Variants in SH3KBP1 observed in about 807,000 individuals in gnomAD.
The protein encoded by SH3KBP1 is SH3 domain-containing kinase-binding protein 1.
A neutral mutation model predicts 50.1 loss-of-function variants in SH3KBP1; 8 were observed. The ratio of observed to expected loss-of-function variants is 0.16; its 90% CI spans 0.09 to 0.29. The LOEUF (loss-of-function observed/expected upper bound fraction) is 0.29. Among genes scored for constraint, SH3KBP1 ranks in the 10% least tolerant of loss-of-function variants. SH3KBP1 has a pLI of 1.00. For synonymous variants in SH3KBP1, 227 were observed against 218.6 expected (o/e 1.04, Z -0.34); for missense variants, 377 against 535.2 (o/e 0.70, Z 2.92).
chrX:19,695,084 C>T, intron 5 of SH3KBP1: 2 of 1,150,334 alleles, frequency 1.7e-6, no homozygotes, highest in South Asian at 1.9e-5. Flanking sequence ...TTCGTTGTCA[C>T]CATCGTAGAA....
At chrX:19,810,331 A>G (rs1346730651) in intron 2 of SH3KBP1, among the ~76,000 whole-genome samples, 1 of 112,876 alleles carries the variant, frequency 8.9e-6, no homozygotes, top group East Asian at 2.8e-4. Context: ...TTTATAGTAA[A>G]GTGAATCTTC....
At chrX:19,728,026 G>C (rs150342891) in intron 3 of SH3KBP1, among the ~76,000 whole-genome samples, 2 of 111,956 alleles carry the variant, frequency 1.8e-5, no homozygotes, top group East Asian at 5.6e-4. Context: ...CTAACAGGTT[G>C]AGGAGAAGGA....
At chrX:19,557,406 T>C (rs2065524256) in intron 13 of SH3KBP1, among the ~76,000 whole-genome samples, 1 of 112,083 alleles carries the variant, frequency 8.9e-6, no homozygotes, top group Admixed American at 9.5e-5. Context: ...ACAGTGTTTA[T>C]TTGCTCATTA....
At chrX:19,640,102 C>A (rs2061817001) in intron 7 of SH3KBP1, among the ~76,000 whole-genome samples, 1 of 110,405 alleles carries the variant, frequency 9.1e-6, no homozygotes, top group African/African-American at 3.3e-5. Context: ...CCTTAACAAC[C>A]CTCTTCTTGG....
At chrX:19,698,883 TTGAATGAA>T (rs770021813) in intron 4 of SH3KBP1, among the ~76,000 whole-genome samples, 137 of 110,252 alleles carry the variant, frequency 1.2e-3, no homozygotes, top group African/African-American at 4.1e-3. Flanking sequence ...GCCTCACACA[TTGAATGAA>T]TGAATGAATG....
At chrX:19,600,458 A>G (rs764075006) in intron 9 of SH3KBP1, among the ~76,000 whole-genome samples, 1 of 112,431 alleles carries the variant, frequency 8.9e-6, no homozygotes, top group Admixed American at 9.4e-5. Flanking sequence ...GTGAACTGAG[A>G]AGGCAAAACA....
At chrX:19,788,276 A>C (rs1159043033) in intron 2 of SH3KBP1, among the ~76,000 whole-genome samples, 4 of 102,803 alleles carry the variant, frequency 3.9e-5, no homozygotes, top group African/African-American at 1.1e-4. Flanking sequence ...CTCCAAAAAA[A>C]AAAAAAAAAC....
At chrX:19,793,721 G>C (rs1401381640) in intron 2 of SH3KBP1, among the ~76,000 whole-genome samples, 2 of 111,548 alleles carry the variant, frequency 1.8e-5, no homozygotes, top group Admixed American at 9.5e-5. Flanking sequence ...ACCTACTTCA[G>C]ATGCTAACTT....
chrX:19,876,322 C>A (rs894444690), intron 1 of SH3KBP1, among the ~76,000 whole-genome samples: 1 of 112,167 alleles, frequency 8.9e-6, no homozygotes, highest in Non-Finnish European at 1.9e-5. Flanking sequence ...GATCACACCA[C>A]TGCACTCCAG....
intron 1 of SH3KBP1, among the ~76,000 whole-genome samples, chrX:19,838,205 T>C (rs762004751): frequency 8.9e-6 from 1 of 112,362 alleles, no homozygotes; most frequent in South Asian, 3.7e-4. Flanking sequence ...AAAGTAATAA[T>C]TCAACTTCTC....
chrX:19,729,341 C>T (rs986540804), intron 3 of SH3KBP1, among the ~76,000 whole-genome samples: 13 of 112,390 alleles, frequency 1.2e-4, no homozygotes, highest in African/African-American at 4.2e-4. Context: ...GTTCATACAT[C>T]AATGTGAATG....
chrX:19,549,056 C>T (rs2065167432), intron 14 of SH3KBP1, among the ~76,000 whole-genome samples: 1 of 111,734 alleles, frequency 8.9e-6, no homozygotes, highest in South Asian at 3.7e-4. Flanking sequence ...AACATAAATG[C>T]CCAATAACGA....
chrX:19,716,105 G>A (rs780817084), intron 3 of SH3KBP1, among the ~76,000 whole-genome samples: 1 of 111,971 alleles, frequency 8.9e-6, no homozygotes, highest in Non-Finnish European at 1.9e-5. Flanking sequence ...TACTTGGGAC[G>A]TCCAGTAGAT....
At chrX:19,550,199 C>A (rs1401497428) in intron 13 of SH3KBP1, 116 bp from the exon 14 acceptor site, 11 of 509,557 alleles carry the variant, frequency 2.2e-5, no homozygotes, top group South Asian at 1.8e-4. Flanking sequence ...TACACTTCAT[C>A]TTTTACAAAG....
chrX:19,720,504 T>C (rs984665172), intron 3 of SH3KBP1, among the ~76,000 whole-genome samples: 9 of 112,281 alleles, frequency 8.0e-5, no homozygotes, highest in Non-Finnish European at 1.5e-4. Flanking sequence ...AAACGCTCCA[T>C]GCAGAGTCAT....
chrX:19,877,573 G>A (rs2069291517), intron 1 of SH3KBP1, among the ~76,000 whole-genome samples: 1 of 111,830 alleles, frequency 8.9e-6, no homozygotes. Flanking sequence ...TAAAACTGGT[G>A]CAGCCCCAGA....
intron 6 of SH3KBP1, chrX:19,670,839 C>CAAAAAAGAAAAAAAAAAAAA (rs2062771428): frequency 1.9e-6 from 1 of 533,588 alleles, no homozygotes; most frequent in African/African-American, 4.3e-5. Flanking sequence ...ACTCTAAAAG[C>CAAAAAAGAAAAAAAAAAAAA]AAAAAAAAAA....
chrX:19,675,699 A>G (rs2062914112), intron 6 of SH3KBP1, among the ~76,000 whole-genome samples: 4 of 111,828 alleles, frequency 3.6e-5, no homozygotes, highest in Non-Finnish European at 5.6e-5. Context: ...GCCAACCACT[A>G]TACTCTTAAC....
chrX:19,876,168 G>A (rs1476647297), intron 1 of SH3KBP1, among the ~76,000 whole-genome samples: 1 of 111,527 alleles, frequency 9.0e-6, no homozygotes, highest in Non-Finnish European at 1.9e-5. Context: ...AGACCAGCCT[G>A]GCCAACATGG....
Sources: allele counts gnomAD v4.1 joint callset (sites outside exome capture counted in the v4.1 genomes callset), GRCh38; gene constraint gnomAD v4.1.1; transcripts MANE v1.5; gene names NCBI Gene and HGNC (gene_info 2026-07-23, HGNC 2026-07-21).